The following ZNF385D variants were observed in gnomAD, a reference collection of about 807,000 sequenced individuals.
ZNF385D encodes zinc finger protein 385D.
A neutral mutation model predicts 35.8 loss-of-function variants in ZNF385D; 15 were observed. The observed-to-expected ratio is 0.42, with a 90% CI of 0.28 to 0.64. The LOEUF is 0.64. Ranked by LOEUF, ZNF385D falls within the 30% of genes least tolerant of loss-of-function variation. The pLI, the probability that ZNF385D is intolerant of heterozygous loss-of-function variation, is 0.23. For missense variants in ZNF385D, 474 were observed against 494.6 expected, an observed-to-expected ratio of 0.96 and a Z score of 0.39; for synonymous variants, 212 against 186.8, an observed-to-expected ratio of 1.13 and a Z score of -1.10.
At chr3:22,360,491 T>A (rs777087325) in intron 2 of ZNF385D, among the ~76,000 whole-genome samples, 13 of 151,986 alleles carry the variant, frequency 8.6e-5, no homozygotes, top group Non-Finnish European at 1.6e-4. Context: ...GTTTTCTATA[T>A]ACTCGAGGAT....
intron 3 of ZNF385D, among the ~76,000 whole-genome samples, chr3:21,845,403 A>G (rs1312978507): frequency 6.6e-6 from 1 of 151,920 alleles, no homozygotes; most frequent in Non-Finnish European, 1.5e-5. Flanking sequence ...ACGCTATTAT[A>G]TTTTCTCTCT....
chr3:21,461,090 C>T (rs1031527702), intron 4 of ZNF385D, among the ~76,000 whole-genome samples: 11 of 152,044 alleles, frequency 7.2e-5, no homozygotes, highest in African/African-American at 2.7e-4. Context: ...AGTGCCAAGA[C>T]CACAATATAT....
At chr3:22,317,152 C>T (rs1053668103) in intron 2 of ZNF385D, among the ~76,000 whole-genome samples, 1 of 151,324 alleles carries the variant, frequency 6.6e-6, no homozygotes, top group Non-Finnish European at 1.5e-5. Flanking sequence ...TGGCATGCAC[C>T]TGTAATTCCA....
chr3:21,502,217 C>A (rs1407907053), intron 4 of ZNF385D, among the ~76,000 whole-genome samples: 1 of 152,186 alleles, frequency 6.6e-6, no homozygotes, highest in East Asian at 1.9e-4. Flanking sequence ...CAGGGGAGAT[C>A]ACAGGAGTGG....
chr3:21,500,710 C>T (rs761934193), intron 4 of ZNF385D, among the ~76,000 whole-genome samples: 2 of 152,136 alleles, frequency 1.3e-5, no homozygotes, highest in Non-Finnish European at 2.9e-5. Flanking sequence ...ATGTGTAAGA[C>T]TGGCAAAAAT....
intron 3 of ZNF385D, among the ~76,000 whole-genome samples, chr3:21,842,991 G>C (rs1214043351): frequency 6.6e-6 from 1 of 151,986 alleles, no homozygotes; most frequent in Non-Finnish European, 1.5e-5. Flanking sequence ...ATTTGAAATA[G>C]TTTAGAGCAA....
intron 3 of ZNF385D, among the ~76,000 whole-genome samples, chr3:21,971,703 C>G (rs1439343184): frequency 6.6e-6 from 1 of 151,282 alleles, no homozygotes; most frequent in Non-Finnish European, 1.5e-5. Flanking sequence ...ACCCAGTGAC[C>G]TGATGCCTAC....
At chr3:21,919,206 C>T (rs1012598788) in intron 3 of ZNF385D, among the ~76,000 whole-genome samples, 15 of 152,174 alleles carry the variant, frequency 9.9e-5, no homozygotes, top group African/African-American at 3.6e-4. Flanking sequence ...TCCATTCATT[C>T]ACCACACAAG....
intron 3 of ZNF385D, among the ~76,000 whole-genome samples, chr3:21,793,504 C>A (rs1252255107): frequency 1.3e-5 from 2 of 152,018 alleles, no homozygotes; most frequent in Non-Finnish European, 2.9e-5. Flanking sequence ...TTAACAAGAT[C>A]CCTCTGTGAT....
At chr3:21,641,709 C>A (rs9844151) in intron 2 of ZNF385D, among the ~76,000 whole-genome samples, 2,565 of 145,432 alleles carry the variant, frequency 0.018, 70 homozygotes, top group African/African-American at 0.062. Context: ...CTCCTGAACT[C>A]AAGTGATCTG....
exon 2 of ZNF385D, chr3:22,372,579 T>C (rs1575223570): frequency 2.0e-6 from 2 of 977,196 alleles, no homozygotes; most frequent in Non-Finnish European, 2.4e-6. Context: ...CCGCCGGGGC[T>C]GGCTGTCCCG....
intron 2 of ZNF385D, among the ~76,000 whole-genome samples, chr3:21,588,090 A>T (rs1472629188): frequency 6.6e-6 from 1 of 152,162 alleles, no homozygotes; most frequent in Non-Finnish European, 1.5e-5. Context: ...GGTCTCAATG[A>T]GTGTGCAGTC....
intron 2 of ZNF385D, among the ~76,000 whole-genome samples, chr3:22,355,626 G>T (rs1207742223): frequency 6.6e-6 from 1 of 151,756 alleles, no homozygotes; most frequent in Admixed American, 6.6e-5. Flanking sequence ...GCTGGCCAAT[G>T]TTAGCAAGAT....
At chr3:22,231,521 C>A (rs764035874) in intron 2 of ZNF385D, among the ~76,000 whole-genome samples, 30 of 152,274 alleles carry the variant, frequency 2.0e-4, no homozygotes, top group South Asian at 6.2e-4. Context: ...CAGCTTTCTT[C>A]AGTGTCTCTG....
At chr3:21,753,635 G>A (rs142934208), upstream of ZNF385D, among the ~76,000 whole-genome samples, 15 of 152,324 alleles carry the variant, frequency 9.8e-5, no homozygotes, top group Non-Finnish European at 1.9e-4. Flanking sequence ...GAATGTAGAA[G>A]CTTAAGATAC....
chr3:22,060,447 T>C (rs1367602735), intron 3 of ZNF385D, among the ~76,000 whole-genome samples: 1 of 152,164 alleles, frequency 6.6e-6, no homozygotes, highest in Non-Finnish European at 1.5e-5. Flanking sequence ...AAAGTAATAA[T>C]GAAGGGACAG....
intron 3 of ZNF385D, among the ~76,000 whole-genome samples, chr3:21,903,301 G>A (rs1274288545): frequency 6.6e-6 from 1 of 152,150 alleles, no homozygotes; most frequent in Non-Finnish European, 1.5e-5. Flanking sequence ...AATTAGATGA[G>A]TATGAGGAGA....
At chr3:21,927,913 G>C (rs372428415) in intron 3 of ZNF385D, among the ~76,000 whole-genome samples, 1 of 152,120 alleles carries the variant, frequency 6.6e-6, no homozygotes, top group African/African-American at 2.4e-5. Context: ...CAGAAAATCA[G>C]TAAGGAGATA....
At chr3:21,629,046 GATA>G (rs760579245) in intron 2 of ZNF385D, among the ~76,000 whole-genome samples, 6 of 152,058 alleles carry the variant, frequency 3.9e-5, no homozygotes, top group East Asian at 3.9e-4. Flanking sequence ...ACAATGAACA[GATA>G]ATTAGTAAGG....
Sources: gnomAD v4.1 joint callset for allele counts (sites outside exome capture counted in the v4.1 genomes callset) on GRCh38, gnomAD v4.1.1 for gene constraint, MANE v1.5 for transcripts, NCBI Gene and HGNC (gene_info 2026-07-23, HGNC 2026-07-21) for gene names.